The following DLG2 variants were observed in gnomAD, a reference collection of about 807,000 sequenced individuals.
DLG2 encodes discs large MAGUK scaffold protein 2.
In DLG2, 45 loss-of-function variants were observed where a neutral mutation model predicts 132.5. That is an observed-to-expected ratio of 0.34 (90% CI 0.27 to 0.44). The LOEUF is 0.44. DLG2 is among the 20% of genes least tolerant of loss of function. DLG2 has a pLI of 1.00. For missense variants in DLG2, 1,045 were observed against 1,196.9 expected (o/e 0.87, Z 1.87); for synonymous variants, 424 against 419.6 (o/e 1.01, Z -0.13).
At chr11:84,791,061 G>C (rs531585933) in intron 6 of DLG2, among the ~76,000 whole-genome samples, 3 of 152,118 alleles carry the variant, frequency 2.0e-5, no homozygotes, top group Non-Finnish European at 4.4e-5. Flanking sequence ...ATGGTGGAAG[G>C]GGAAGCAGGC....
intron 7 of DLG2, among the ~76,000 whole-genome samples, chr11:84,369,938 C>G (rs2098699273): frequency 6.6e-6 from 1 of 152,140 alleles, no homozygotes; most frequent in Admixed American, 6.6e-5. Flanking sequence ...TTCACAGAAG[C>G]TATTTCACTT....
At chr11:85,607,980 T>C (rs754764192) in intron 2 of DLG2, among the ~76,000 whole-genome samples, 2 of 152,200 alleles carry the variant, frequency 1.3e-5, no homozygotes, top group Non-Finnish European at 2.9e-5. Context: ...ATTGGATTTT[T>C]CTCGGTCCTC....
chr11:85,415,334 C>A (rs1193217054), intron 3 of DLG2, among the ~76,000 whole-genome samples: 1 of 152,118 alleles, frequency 6.6e-6, no homozygotes, highest in African/African-American at 2.4e-5. Flanking sequence ...GTGCATGTGT[C>A]TTTATAGTAG....
chr11:84,256,872 C>T (rs1461140365), intron 7 of DLG2, among the ~76,000 whole-genome samples: 1 of 152,034 alleles, frequency 6.6e-6, no homozygotes, highest in Non-Finnish European at 1.5e-5. Context: ...CCCAGAACCT[C>T]AAGGTAAATA....
chr11:84,026,308 T>C (rs963941623), intron 11 of DLG2, among the ~76,000 whole-genome samples: 1 of 152,050 alleles, frequency 6.6e-6, no homozygotes, highest in Non-Finnish European at 1.5e-5. Context: ...AAAAGACCTG[T>C]GTGTTTAGCA....
At chr11:83,511,766 G>A (rs906965595) in intron 21 of DLG2, among the ~76,000 whole-genome samples, 2 of 142,526 alleles carry the variant, frequency 1.4e-5, no homozygotes, top group Non-Finnish European at 3.0e-5. Context: ...GTCTCATTAT[G>A]TTGCCCAGGC....
In DLG2 at chr11:85,477,561, T is replaced by C. The variant is rs78062814; in HGVS notation, c.40+121096A>G. On this transcript the variant is annotated intron_variant, in intron 3 of 27. Transcript: ENST00000376104. ...ATCTAATCTTTGCCACCATTTCTTT[T>C]TTCTGGCTAGTGTTTCTGAGTTACT... Among the ~76,000 whole-genome samples the C allele has an allele frequency of 6.1e-4, 93 of 152,336 alleles. 1 individual carries two copies. The East Asian group carries it at 0.017, about 28-fold the overall frequency.
At chr11:83,742,263 G>C (rs879836688) in intron 18 of DLG2, among the ~76,000 whole-genome samples, 26 of 150,058 alleles carry the variant, frequency 1.7e-4, no homozygotes, top group Admixed American at 1.3e-3. Flanking sequence ...GTTAGATGAT[G>C]GCTATGTTAA....
chr11:85,309,420 G>A lies in DLG2; in HGVS notation c.41-24055C>T, dbSNP rs370670927. Reference sequence around the variant, plus strand: ...TATGGACCACAGACTCCATATAGGGGTTTTCTACCAAAAAAAAAAAAAAAT... The same window carrying A: ...TATGGACCACAGACTCCATATAGGGATTTTCTACCAAAAAAAAAAAAAAAT... On this transcript the variant is annotated intron_variant, in intron 3 of 27. Coordinates refer to ENST00000376104, the MANE Select transcript of DLG2 (RefSeq NM_001142699.3). 7.0e-5 allele frequency among the ~76,000 whole-genome samples: 6 copies of A among 85,832 alleles called. No homozygotes were observed. The East Asian group carries it at 1.4e-3, about 21-fold the overall frequency. 56.3% of individuals were successfully genotyped at this position (85,832 alleles called of 152,430 possible).
At chr11:84,357,106 C>T (rs568854480) in intron 7 of DLG2, among the ~76,000 whole-genome samples, 1 of 151,938 alleles carries the variant, frequency 6.6e-6, no homozygotes, top group African/African-American at 2.4e-5. Context: ...TCAGATTTTA[C>T]CTGAGACTGA....
chr11:84,729,884 T>C (rs964900240), intron 6 of DLG2, among the ~76,000 whole-genome samples: 1 of 151,878 alleles, frequency 6.6e-6, no homozygotes, highest in African/African-American at 2.4e-5. Context: ...GTAGAAGGAG[T>C]ACACTCTTTA....
At chr11:84,129,000 G>C (rs553992086) in intron 9 of DLG2, among the ~76,000 whole-genome samples, 1 of 152,220 alleles carries the variant, frequency 6.6e-6, no homozygotes, top group African/African-American at 2.4e-5. Flanking sequence ...TGAGCCCAGA[G>C]AAAGTCATTC....
At chr11:83,973,753 T>TTGATTA (rs2091762883) in intron 12 of DLG2, among the ~76,000 whole-genome samples, 1 of 151,980 alleles carries the variant, frequency 6.6e-6, no homozygotes, top group African/African-American at 2.4e-5. Flanking sequence ...AAATCCAGAT[T>TTGATTA]TGATTATTCA....
At chr11:83,868,652 T>C (rs1321970224) in intron 16 of DLG2, among the ~76,000 whole-genome samples, 2 of 152,168 alleles carry the variant, frequency 1.3e-5, no homozygotes, top group African/African-American at 2.4e-5. Flanking sequence ...TCTGTTTTGA[T>C]AGAGTCACTT....
chr11:85,382,012 G>T (rs981762068), intron 3 of DLG2, among the ~76,000 whole-genome samples: 3 of 152,040 alleles, frequency 2.0e-5, no homozygotes, highest in African/African-American at 7.2e-5. Flanking sequence ...CTTTTTTCTA[G>T]ACATTGACAA....
At chr11:84,378,535 T>G (rs968997997) in intron 7 of DLG2, among the ~76,000 whole-genome samples, 2 of 152,028 alleles carry the variant, frequency 1.3e-5, no homozygotes, top group Non-Finnish European at 2.9e-5. Context: ...GGTCTGACAC[T>G]CAATGGGGGG....
At chr11:85,075,707 TATA>T (rs2066446522) in intron 6 of DLG2, among the ~76,000 whole-genome samples, 1 of 151,882 alleles carries the variant, frequency 6.6e-6, no homozygotes, top group African/African-American at 2.4e-5. Context: ...CCCAAAAATA[TATA>T]ATTTTATGTA....
intron 6 of DLG2, among the ~76,000 whole-genome samples, chr11:84,702,796 A>G (rs1435977199): frequency 6.6e-6 from 1 of 151,478 alleles, no homozygotes; most frequent in East Asian, 1.9e-4. Context: ...TGTCTCTTCC[A>G]CTATACTATA....
At chr11:84,752,381 G>A (rs540502705) in intron 6 of DLG2, among the ~76,000 whole-genome samples, 14 of 152,134 alleles carry the variant, frequency 9.2e-5, no homozygotes, top group African/African-American at 3.1e-4. Context: ...TAAAATATTA[G>A]GTAGCAATAT....
Sources: gnomAD v4.1 joint callset for allele counts (sites outside exome capture counted in the v4.1 genomes callset) on GRCh38, gnomAD v4.1.1 for gene constraint, MANE v1.5 for transcripts, NCBI Gene and HGNC (gene_info 2026-07-23, HGNC 2026-07-21) for gene names.